The following PARP11 variants were observed in gnomAD, a reference collection of about 807,000 sequenced individuals.
The protein encoded by PARP11 is poly(ADP-ribose) polymerase family member 11.
Under a neutral mutation model 42.9 loss-of-function variants are expected in PARP11, and 31 were observed. The ratio of observed to expected loss-of-function variants is 0.72; its 90% CI spans 0.54 to 0.98. The LOEUF (loss-of-function observed/expected upper bound fraction) is 0.98. PARP11 is among the 50% of genes least tolerant of loss of function. The pLI, the probability that PARP11 is intolerant of heterozygous loss-of-function variation, is 0.00. For missense variants in PARP11, 365 were observed against 413.1 expected, an observed-to-expected ratio of 0.88 and a Z score of 1.01; for synonymous variants, 137 against 127.3, an observed-to-expected ratio of 1.08 and a Z score of -0.51.
chr12:3,864,522 C>T (rs918167204), intron 1 of PARP11, among the ~76,000 whole-genome samples: 2 of 152,186 alleles, frequency 1.3e-5, no homozygotes, highest in African/African-American at 4.8e-5. Flanking sequence ...GAATTCACCA[C>T]TGAAACCATC....
intron 1 of PARP11, among the ~76,000 whole-genome samples, chr12:3,867,970 C>G (rs1948419256): frequency 6.6e-6 from 1 of 152,214 alleles, no homozygotes; most frequent in South Asian, 2.1e-4. Flanking sequence ...ACAGCGCCAG[C>G]AAACACAAGT....
intron 1 of PARP11, among the ~76,000 whole-genome samples, chr12:3,839,114 C>T (rs202030204): frequency 4.6e-4 from 69 of 151,548 alleles, no homozygotes; most frequent in African/African-American, 1.6e-3. Context: ...TTAGGCAGGG[C>T]TCCCCTACGC....
intron 1 of PARP11, among the ~76,000 whole-genome samples, chr12:3,857,447 C>T (rs1398624337): frequency 6.6e-6 from 1 of 152,108 alleles, no homozygotes; most frequent in Non-Finnish European, 1.5e-5. Flanking sequence ...ACTGTTTTGA[C>T]ATTATTATCC....
Position 3,840,004 on chromosome 12 carries a change from A to T in PARP11, c.19-9986T>A. 6.3e-7 allele frequency: 1 copy of T among 1,593,346 alleles called. No homozygotes were observed. Among genetic ancestry groups the T allele is most frequent in the South Asian group, 1.1e-5 (1 of 90,660 alleles). On this transcript the variant is annotated intron_variant, in intron 1 of 7. Coordinates refer to ENST00000228820, the MANE Select transcript of PARP11 (RefSeq NM_020367.6). The surrounding 1 kb of genome is among the most constrained non-coding windows in gnomAD (Gnocchi z 4.4). ...GTCAGGCAACGAGCAGCTGAAGAAC[A>T]ATGGGAACTCTACTAGCCTGCCTTT...
At chr12:3,866,750 T>C (rs1673492461) in intron 1 of PARP11, among the ~76,000 whole-genome samples, 2 of 152,170 alleles carry the variant, frequency 1.3e-5, no homozygotes, top group Admixed American at 1.3e-4. Flanking sequence ...CTAAAACAGG[T>C]AAAAATTCTT....
chr12:3,839,987 A>G, intron 1 of PARP11: 1 of 1,540,844 alleles, frequency 6.5e-7, no homozygotes, highest in East Asian at 2.2e-5. Context: ...TTGTCAGGCA[A>G]CGAGCAGCTG....
In PARP11 at chr12:3,812,443, A is replaced by C. The variant is rs777086765; in HGVS notation, c.701-4T>G. On this transcript the variant is annotated splice_polypyrimidine_tract_variant and splice_region_variant and intron_variant, in intron 7 of 7. Coordinates refer to ENST00000228820, the MANE Select transcript of PARP11 (RefSeq NM_020367.6). ...GCATCTCTAGCAAAATAGGTTCCTTAAACAAAGAGGACCAAGAAAAGCCAA... is the reference window on the plus strand; with the variant it reads ...GCATCTCTAGCAAAATAGGTTCCTTCAACAAAGAGGACCAAGAAAAGCCAA... 4 of 1,596,222 alleles carry C rather than the reference A, an allele frequency of 2.5e-6. No individual in the cohort carries two copies. In the South Asian group the frequency reaches 3.4e-5, roughly 14 times the overall value.
intron 7 of PARP11, among the ~76,000 whole-genome samples, chr12:3,813,441 C>T (rs1591755562): frequency 6.6e-6 from 1 of 152,252 alleles, no homozygotes; most frequent in East Asian, 1.9e-4. Context: ...AAATGGTAGA[C>T]ACAAGAGATA....
chr12:3,856,883 G>GTCCA (rs1217706459), intron 1 of PARP11, among the ~76,000 whole-genome samples: 1 of 152,164 alleles, frequency 6.6e-6, no homozygotes, highest in Admixed American at 6.5e-5. Context: ...CAACCCAAAT[G>GTCCA]TCCATCAATG....
At position 3,812,325 on chromosome 12, in the gene PARP11, C is replaced by G. The variant is rs769234197; in HGVS notation, c.815G>C (p.Arg272Thr). 1 of 1,614,066 alleles carries G rather than the reference C, an allele frequency of 6.2e-7. No homozygotes were observed. Among genetic ancestry groups the G allele is most frequent in the East Asian group, 2.2e-5 (1 of 44,882 alleles). Reference protein sequence around the residue: ...GVSLQQRHLFRTYKSMFLARV... With the variant: ...GVSLQQRHLFTTYKSMFLARV... ...AGCAAGAAACATAGATTTATATGTT[C>G]TAAACAGATGCCGCTGTTGCAAGCT... The change falls in exon 8 of 8, where the codon AGA (arginine) becomes ACA (threonine). Residue 272 changes from arginine (R) to threonine (T), a missense_variant. Arg to Thr is a moderately conservative substitution (Grantham distance 71, BLOSUM62 -1). Transcript: ENST00000228820.
rs141036909 is a variant in PARP11, at chr12:3,838,918, C to A, written c.19-8900G>T. On this transcript the variant is annotated intron_variant, in intron 1 of 7. Coordinates refer to ENST00000228820, the MANE Select transcript of PARP11 (RefSeq NM_020367.6). Reference sequence around the variant, plus strand: ...TGCGCGCCTGGGGCGGGGCTTTTCTCGCTTCACACCGGTACAGACGAGGAA... The same window carrying A: ...TGCGCGCCTGGGGCGGGGCTTTTCTAGCTTCACACCGGTACAGACGAGGAA... Among the ~76,000 whole-genome samples, 19 of 152,266 alleles carry A rather than the reference C, an allele frequency of 1.2e-4. No individual in the cohort carries two copies. The East Asian group carries it at 3.7e-3, about 29-fold the overall frequency.
intron 2 of PARP11, 44 bp downstream of exon 2, chr12:3,829,846 A>T (rs370699241): frequency 3.2e-5 from 51 of 1,602,444 alleles, no homozygotes; most frequent in Non-Finnish European, 4.0e-5. Flanking sequence ...GGTGATGCTA[A>T]GTGAATCGAA....
chr12:3,832,774 TTAA>T (rs1283220034), intron 1 of PARP11, among the ~76,000 whole-genome samples: 1 of 152,200 alleles, frequency 6.6e-6, no homozygotes, highest in African/African-American at 2.4e-5. Flanking sequence ...AAGCAGGTAT[TTAA>T]TAATGTTAGA....
intron 1 of PARP11, among the ~76,000 whole-genome samples, chr12:3,830,281 A>G (rs1053982486): frequency 2.6e-5 from 4 of 152,198 alleles, no homozygotes; most frequent in African/African-American, 9.6e-5. Context: ...AGTAAGCTAT[A>G]TCAACATCAA....
intron 1 of PARP11, among the ~76,000 whole-genome samples, chr12:3,850,887 T>G (rs1591529885): frequency 6.6e-6 from 1 of 152,326 alleles, no homozygotes; most frequent in East Asian, 1.9e-4. Context: ...AAGGACCAAC[T>G]ATGAAAGTTC....
In PARP11 at chr12:3,841,671, C is replaced by A; in HGVS notation, c.19-11653G>T. On this transcript the variant is annotated intron_variant, in intron 1 of 7. Coordinates refer to ENST00000228820, the MANE Select transcript of PARP11 (RefSeq NM_020367.6). ...CTGATTATGAAGAGTCACTGAGTGG[C>A]AAGAATATGTTCCCCCAGCCATCTT... is the stretch of plus-strand genomic sequence containing the variant. 4 of 1,613,500 alleles carry A rather than the reference C, an allele frequency of 2.5e-6. No individual in the cohort carries two copies. In the East Asian group the frequency reaches 8.9e-5, roughly 36 times the overall value.
At position 3,855,509 on chromosome 12, in the gene PARP11, T is replaced by G. The variant is rs11503117; in HGVS notation, c.18+17703A>C. ...CAATAACAGAGAGCCAAATCATGAG[T>G]GAACTCCCATTCACAATTGCTACAA... On this transcript the variant is annotated intron_variant, in intron 1 of 7. Coordinates refer to ENST00000228820, the MANE Select transcript of PARP11 (RefSeq NM_020367.6). 7.5e-3 allele frequency among the ~76,000 whole-genome samples: 1,139 copies of G among 152,184 alleles called. 8 individuals carry two copies. Among genetic ancestry groups the G allele is most frequent in the African/African-American group, 0.026 (1,062 of 41,516 alleles).
chr12:3,825,415 C>T (rs1947498422), intron 4 of PARP11, among the ~76,000 whole-genome samples: 1 of 152,154 alleles, frequency 6.6e-6, no homozygotes, highest in African/African-American at 2.4e-5. Flanking sequence ...TTTGAAATTA[C>T]TTCTAGGAGT....
intron 3 of PARP11, among the ~76,000 whole-genome samples, chr12:3,827,703 A>C (rs953091474): frequency 6.6e-6 from 1 of 152,154 alleles, no homozygotes; most frequent in South Asian, 2.1e-4. Flanking sequence ...GTGGGATAAT[A>C]ATTATTGCAT....
Sources: allele counts gnomAD v4.1 joint callset (sites outside exome capture counted in the v4.1 genomes callset), GRCh38; gene constraint gnomAD v4.1.1; non-coding constraint Gnocchi (gnomAD v3.1); transcripts MANE v1.5; gene names NCBI Gene and HGNC (gene_info 2026-07-23, HGNC 2026-07-21).